TNS3: variants seen among roughly 807,000 people sequenced by gnomAD.
TNS3 encodes tensin-3.
Under a neutral mutation model 140.9 loss-of-function variants are expected in TNS3, and 45 were observed. The ratio of observed to expected loss-of-function variants is 0.32; its 90% CI spans 0.25 to 0.41. The LOEUF is 0.41. TNS3 is among the 10% of genes least tolerant of loss of function. The pLI is 1.00. For missense variants in TNS3, 1,716 were observed against 1,906.7 expected (o/e 0.90, Z 1.86); for synonymous variants, 815 against 788.4 (o/e 1.03, Z -0.56).
At chr7:47,439,764 C>T in intron 5 of TNS3, 106 bp from the exon 6 acceptor site, 1 of 1,243,360 alleles carries the variant, frequency 8.0e-7, no homozygotes, top group Non-Finnish European at 1.1e-6. Context: ...TGGGTGTTCA[C>T]ATCAGCACCT....
intron 4 of TNS3, among the ~76,000 whole-genome samples, chr7:47,464,023 G>A (rs1228144109): frequency 2.6e-5 from 4 of 152,156 alleles, no homozygotes; most frequent in Non-Finnish European, 2.9e-5. Context: ...TAGTCCACCC[G>A]TAATTTTTAT....
intron 20 of TNS3, among the ~76,000 whole-genome samples, chr7:47,340,115 ATTT>A (rs770520080): frequency 1.2e-3 from 33 of 28,544 alleles, no homozygotes; most frequent in African/African-American, 2.8e-3. Flanking sequence ...ATATATATAT[ATTT>A]TTTTTTTTTT....
At chr7:47,547,293 T>G (rs896559625) in intron 1 of TNS3, among the ~76,000 whole-genome samples, 13 of 151,920 alleles carry the variant, frequency 8.6e-5, no homozygotes, top group Non-Finnish European at 1.5e-4. Flanking sequence ...TCAACTGGAC[T>G]AAGAATTAAG....
intron 13 of TNS3, 92 bp from the exon 14 acceptor site, chr7:47,401,006 G>C: frequency 3.9e-6 from 6 of 1,549,930 alleles, no homozygotes; most frequent in Non-Finnish European, 5.3e-6. Flanking sequence ...CGGCACAGCA[G>C]GGCCTCCCCT....
At chr7:47,563,420 C>T (rs187130045) in intron 1 of TNS3, among the ~76,000 whole-genome samples, 4 of 152,312 alleles carry the variant, frequency 2.6e-5, no homozygotes, top group Admixed American at 2.0e-4. Flanking sequence ...AGCTTCAGGA[C>T]CCAGTGATGA....
intron 16 of TNS3, among the ~76,000 whole-genome samples, chr7:47,378,464 C>T (rs889434333): frequency 6.6e-6 from 1 of 152,184 alleles, no homozygotes; most frequent in Non-Finnish European, 1.5e-5. Flanking sequence ...CTTTGCTAAC[C>T]ATCCACCCAG....
intron 3 of TNS3, among the ~76,000 whole-genome samples, chr7:47,498,929 G>T (rs989289460): frequency 6.6e-6 from 1 of 152,290 alleles, no homozygotes; most frequent in Non-Finnish European, 1.5e-5. Context: ...GCCCCGAGCT[G>T]CTGGCAGCTG....
intron 24 of TNS3, among the ~76,000 whole-genome samples, chr7:47,295,012 G>C (rs1785925898): frequency 6.6e-6 from 1 of 152,156 alleles, no homozygotes; most frequent in Non-Finnish European, 1.5e-5. Context: ...GTGAATGGTT[G>C]TGGCTCTTTA....
intron 6 of TNS3, among the ~76,000 whole-genome samples, chr7:47,438,051 TAA>T (rs1795278462): frequency 8.7e-6 from 1 of 114,492 alleles, no homozygotes; most frequent in Admixed American, 8.0e-5. Context: ...ATAATAATAA[TAA>T]TAATAATAAT....
At chr7:47,311,438 G>GTA (rs943590673) in intron 20 of TNS3, among the ~76,000 whole-genome samples, 3 of 132,916 alleles carry the variant, frequency 2.3e-5, no homozygotes, top group African/African-American at 8.5e-5. Flanking sequence ...GTGTGTGTGT[G>GTA]TATACATATA....
chr7:47,355,436 C>T (rs539246022), intron 17 of TNS3, among the ~76,000 whole-genome samples: 11 of 152,128 alleles, frequency 7.2e-5, no homozygotes, highest in African/African-American at 2.4e-4. Context: ...CCAGGGGCCT[C>T]GTGAGAAGGG....
chr7:47,338,122 C>T (rs1486116400), intron 20 of TNS3, among the ~76,000 whole-genome samples: 2 of 152,150 alleles, frequency 1.3e-5, no homozygotes, highest in Non-Finnish European at 2.9e-5. Flanking sequence ...TGTTGAAGGA[C>T]ATCTACAGTT....
chr7:47,445,357 G>A (rs1371661486), intron 4 of TNS3, among the ~76,000 whole-genome samples: 4 of 152,162 alleles, frequency 2.6e-5, no homozygotes, highest in Non-Finnish European at 5.9e-5. Flanking sequence ...CATGTTACAG[G>A]TTGGTAACAT....
chr7:47,312,975 G>A (rs1160876536), intron 20 of TNS3, among the ~76,000 whole-genome samples: 4 of 152,222 alleles, frequency 2.6e-5, no homozygotes, highest in Non-Finnish European at 5.9e-5. Flanking sequence ...GAACGGAAGA[G>A]AGAAACAAAA....
rs573345404 is a variant in TNS3 at position 47,526,257 on chromosome 7, T to C, written c.-153+2779A>G. 1.3e-4 allele frequency among the ~76,000 whole-genome samples: 17 copies of C among 135,712 alleles called. No homozygotes were observed. The South Asian group carries it at 2.2e-3, about 17-fold the overall frequency. 89.0% of individuals were successfully genotyped at this position (135,712 alleles called of 152,430 possible). A position where few individuals can be genotyped will look rare whatever the true frequency, so the allele number is the denominator to read the frequency against. ...AGGAAAAATTACTCCTCAAGCAGTA[T>C]AACCAACCTAGTGCAGCCCAAGCCA... On this transcript the variant is annotated intron_variant, in intron 2 of 30. Transcript: ENST00000311160.
intron 16 of TNS3, among the ~76,000 whole-genome samples, chr7:47,388,997 AAGAAGGAAGAAGAAGAAGAAGAAG>A (rs1252193476): frequency 1.5e-4 from 7 of 46,496 alleles, no homozygotes; most frequent in Non-Finnish European, 2.8e-4. Flanking sequence ...GAAGAAGAAG[AAGAAGGAAGAAGAAGAAGAAGAAG>A]AAGAAGAAGA....
At chr7:47,511,622 G>A (rs1371152719) in intron 2 of TNS3, among the ~76,000 whole-genome samples, 2 of 151,808 alleles carry the variant, frequency 1.3e-5, no homozygotes, top group African/African-American at 4.8e-5. Context: ...GGGCAACCCC[G>A]TTCATTCTCC....
intron 2 of TNS3, among the ~76,000 whole-genome samples, chr7:47,509,875 T>C (rs1584791555): frequency 6.6e-6 from 1 of 152,236 alleles, no homozygotes; most frequent in African/African-American, 2.4e-5. Context: ...ATCATGATGA[T>C]CTCCCTGTGT....
chr7:47,299,048 T>G (rs1317785416), intron 23 of TNS3, among the ~76,000 whole-genome samples: 9 of 152,244 alleles, frequency 5.9e-5, no homozygotes, highest in African/African-American at 1.7e-4. Context: ...GCACAGGCCC[T>G]GGGAATAAAC....
Sources: gnomAD v4.1 joint callset for allele counts (sites outside exome capture counted in the v4.1 genomes callset) on GRCh38, gnomAD v4.1.1 for gene constraint, MANE v1.5 for transcripts, NCBI Gene and HGNC (gene_info 2026-07-23, HGNC 2026-07-21) for gene names.